The following PXDNL variants were observed in gnomAD, a reference collection of about 807,000 sequenced individuals.
PXDNL encodes peroxidasin like, also known as probable oxidoreductase PXDNL.
A neutral mutation model predicts 150.8 loss-of-function variants in PXDNL; 145 were observed. The observed-to-expected ratio is 0.96, with a 90% CI of 0.84 to 1.10. The LOEUF is 1.10. Ranked by LOEUF, PXDNL falls within the 50% of genes least tolerant of loss-of-function variation. The pLI, the probability that PXDNL is intolerant of heterozygous loss-of-function variation, is 0.00. For synonymous variants in PXDNL, 757 were observed against 725.7 expected (o/e 1.04, Z -0.69); for missense variants, 2,087 against 1,873.9 (o/e 1.11, Z -2.10).
intron 1 of PXDNL, among the ~76,000 whole-genome samples, chr8:51,764,370 CTTT>C (rs1458993412): frequency 1.5e-5 from 2 of 129,590 alleles, no homozygotes; most frequent in African/African-American, 5.6e-5. Flanking sequence ...GTTTGCCTTT[CTTT>C]TTCTAGTTTT....
At chr8:51,759,614 T>C (rs2037139840) in intron 1 of PXDNL, among the ~76,000 whole-genome samples, 1 of 152,182 alleles carries the variant, frequency 6.6e-6, no homozygotes, top group African/African-American at 2.4e-5. Flanking sequence ...AGTTCTCCAT[T>C]TAAAAATACT....
chr8:51,501,822 G>C (rs187081698), intron 4 of PXDNL, among the ~76,000 whole-genome samples: 5 of 152,250 alleles, frequency 3.3e-5, no homozygotes, highest in Non-Finnish European at 5.9e-5. Context: ...AAGAGGATGT[G>C]GGGGAGGAGT....
chr8:51,541,253 T>TAAAAAAAA lies in PXDNL; in HGVS notation c.380+15579_380+15586dup, dbSNP rs5891421. 3.8e-3 allele frequency among the ~76,000 whole-genome samples: 484 copies of TAAAAAAAA among 127,170 alleles called. 8 individuals are homozygous for TAAAAAAAA. The highest frequency in any genetic ancestry group is 0.014 in the African/African-American group (462 of 33,860). 83.4% of individuals were successfully genotyped at this position (127,170 alleles called of 152,430 possible). On this transcript the variant is annotated intron_variant, in intron 4 of 22. Coordinates refer to ENST00000356297, the MANE Select transcript of PXDNL (RefSeq NM_144651.5). ...GGCCTGGCGACAGAGTGAGACTCCA[T>TAAAAAAAA]AAAAAAAAAAAAAAAAAGAATATTG...
At chr8:51,578,845 C>A (rs967252753) in intron 3 of PXDNL, among the ~76,000 whole-genome samples, 5 of 151,888 alleles carry the variant, frequency 3.3e-5, no homozygotes, top group African/African-American at 9.7e-5. Context: ...GGTGCAGAAG[C>A]AATTCAGTGG....
chr8:51,806,109 G>T (rs772262472), intron 1 of PXDNL, among the ~76,000 whole-genome samples: 1 of 152,162 alleles, frequency 6.6e-6, no homozygotes, highest in Non-Finnish European at 1.5e-5. Flanking sequence ...TTAAAATTTG[G>T]AGGGACAGTT....
At chr8:51,561,968 A>G (rs1389922381) in intron 3 of PXDNL, among the ~76,000 whole-genome samples, 2 of 152,010 alleles carry the variant, frequency 1.3e-5, no homozygotes, top group East Asian at 1.9e-4. Context: ...TTAAAACTAC[A>G]TCCAAAACAT....
At chr8:51,621,307 T>C (rs1272444907) in intron 2 of PXDNL, among the ~76,000 whole-genome samples, 1 of 152,200 alleles carries the variant, frequency 6.6e-6, no homozygotes, top group Non-Finnish European at 1.5e-5. Context: ...ATAAATAGAA[T>C]GATAACAACA....
At chr8:51,435,881 T>C in intron 12 of PXDNL, 1 of 469,846 alleles carries the variant, frequency 2.1e-6, no homozygotes, top group Admixed American at 2.5e-5. Flanking sequence ...AAGCAGATAC[T>C]AAAATGGATC....
intron 4 of PXDNL, among the ~76,000 whole-genome samples, chr8:51,549,116 A>C (rs1812427037): frequency 6.6e-6 from 1 of 152,236 alleles, no homozygotes; most frequent in Admixed American, 6.5e-5. Flanking sequence ...GGATTAGCCC[A>C]ATAGAAAAAT....
intron 2 of PXDNL, among the ~76,000 whole-genome samples, chr8:51,631,095 C>A (rs1205878510): frequency 6.6e-6 from 1 of 152,112 alleles, no homozygotes; most frequent in Non-Finnish European, 1.5e-5. Context: ...GAATACCGTG[C>A]AACCATTAAA....
chr8:51,575,825 AAGTT>A (rs1282602359), intron 3 of PXDNL, among the ~76,000 whole-genome samples: 1 of 152,092 alleles, frequency 6.6e-6, no homozygotes, highest in Non-Finnish European at 1.5e-5. Flanking sequence ...AGTATGAAAA[AAGTT>A]AGGTCATGCA....
chr8:51,761,025 ATTT>A (rs71237238), intron 1 of PXDNL, among the ~76,000 whole-genome samples: 115 of 114,458 alleles, frequency 1.0e-3, no homozygotes, highest in Middle Eastern at 4.8e-3. Flanking sequence ...CGCCCGGCTA[ATTT>A]TTTTTTTTTT....
chr8:51,385,757 C>G (rs1807688448), intron 17 of PXDNL, among the ~76,000 whole-genome samples: 1 of 152,074 alleles, frequency 6.6e-6, no homozygotes, highest in African/African-American at 2.4e-5. Context: ...GGGTGGTTTC[C>G]CCATACTGTT....
chr8:51,553,759 T>C (rs1812544034), intron 4 of PXDNL, among the ~76,000 whole-genome samples: 1 of 73,120 alleles, frequency 1.4e-5, no homozygotes, highest in Non-Finnish European at 2.4e-5. Context: ...TATATATATA[T>C]ATATATATAT....
chr8:51,788,337 A>G (rs1453492005), intron 1 of PXDNL, among the ~76,000 whole-genome samples: 1 of 152,240 alleles, frequency 6.6e-6, no homozygotes, highest in Non-Finnish European at 1.5e-5. Context: ...GTGGCTGAGA[A>G]CGGGGCAAGG....
At chr8:51,413,368 C>T in intron 14 of PXDNL, 110 bp from the exon 15 acceptor site, 1 of 643,062 alleles carries the variant, frequency 1.6e-6, no homozygotes, top group Non-Finnish European at 2.7e-6. Flanking sequence ...CATTTAAAAC[C>T]TCTAAGACAA....
intron 2 of PXDNL, among the ~76,000 whole-genome samples, chr8:51,636,872 C>T (rs950744236): frequency 2.6e-5 from 4 of 151,378 alleles, no homozygotes; most frequent in Admixed American, 2.6e-4. Context: ...AGTGTGAGAT[C>T]TGAGAATGGA....
At chr8:51,625,691 G>A (rs1814348634) in intron 2 of PXDNL, among the ~76,000 whole-genome samples, 1 of 152,160 alleles carries the variant, frequency 6.6e-6, no homozygotes, top group African/African-American at 2.4e-5. Flanking sequence ...TGGTAAGTTG[G>A]AAAGAACAAC....
At chr8:51,348,416 G>A (rs912609170) in intron 19 of PXDNL, among the ~76,000 whole-genome samples, 3 of 152,188 alleles carry the variant, frequency 2.0e-5, no homozygotes, top group African/African-American at 7.2e-5. Context: ...CAGTGACATG[G>A]CAGGTTTCTT....
Sources: gnomAD v4.1 joint callset for allele counts (sites outside exome capture counted in the v4.1 genomes callset) on GRCh38, gnomAD v4.1.1 for gene constraint, MANE v1.5 for transcripts, NCBI Gene and HGNC (gene_info 2026-07-23, HGNC 2026-07-21) for gene names.